The following NINJ2 variants were observed in gnomAD, a reference collection of about 807,000 sequenced individuals.
NINJ2 encodes ninjurin-2.
NINJ2 carries 12 observed loss-of-function variants against 11.7 expected under a neutral mutation model. The observed-to-expected ratio is 1.02, with a 90% CI of 0.66 to 1.66. The LOEUF is 1.66. Among genes scored for constraint, NINJ2 ranks in the 40% most tolerant of loss-of-function variants. The pLI is 0.00. For missense variants in NINJ2, 187 were observed against 181.8 expected (o/e 1.03, Z -0.16); for synonymous variants, 93 against 76.8 (o/e 1.21, Z -1.10).
At chr12:573,966 G>T (rs1947414937) in intron 1 of NINJ2, among the ~76,000 whole-genome samples, 1 of 152,218 alleles carries the variant, frequency 6.6e-6, no homozygotes, top group African/African-American at 2.4e-5. Flanking sequence ...GGGCAAGGTG[G>T]CTCATGCCTG....
chr12:604,143 C>G (rs976028479), intron 1 of NINJ2, among the ~76,000 whole-genome samples: 20 of 152,300 alleles, frequency 1.3e-4, no homozygotes, highest in Middle Eastern at 6.8e-3. Context: ...TGAAATTCCG[C>G]ACAGTTCTAG....
chr12:655,232 C>T (rs918157583), intron 1 of NINJ2, among the ~76,000 whole-genome samples: 6 of 152,176 alleles, frequency 3.9e-5, no homozygotes, highest in Admixed American at 3.9e-4. Flanking sequence ...TTAGCAGTTT[C>T]CCAGTCTTTG....
chr12:619,600 C>T (rs994364995), intron 1 of NINJ2, among the ~76,000 whole-genome samples: 4 of 152,088 alleles, frequency 2.6e-5, no homozygotes, highest in African/African-American at 9.7e-5. Context: ...CCTCCTGGGC[C>T]CTTGCAGGAT....
rs1413997552 is a variant in NINJ2 at position 591,918 on chromosome 12, C to T, written c.34-25740G>A. ...GTCAATTTTGAGCAAACAGAGGCCC[C>T]CAGGCGTTTTTCCCGGGTCACTCCC... On this transcript the variant is annotated intron_variant, in intron 1 of 3. Coordinates refer to ENST00000305108, the MANE Select transcript of NINJ2 (RefSeq NM_016533.6). The surrounding 1 kb of genome is among the most constrained non-coding windows in gnomAD (Gnocchi z 5.0). Among the ~76,000 whole-genome samples the T allele has an allele frequency of 6.6e-6, 1 of 152,112 alleles. No individual in the cohort carries two copies. The highest frequency in any genetic ancestry group is 1.5e-5 in the Non-Finnish European group (1 of 68,040).
At chr12:565,441 G>A (rs371126155) in intron 2 of NINJ2, 40 bp from the exon 3 acceptor site, 47 of 1,600,754 alleles carry the variant, frequency 2.9e-5, no homozygotes, top group Non-Finnish European at 3.5e-5. Flanking sequence ...TCAGAGACGG[G>A]GCCACAGCAC....
chr12:656,937 G>A (rs928040301), intron 1 of NINJ2, among the ~76,000 whole-genome samples: 1 of 152,024 alleles, frequency 6.6e-6, no homozygotes, highest in East Asian at 1.9e-4. Flanking sequence ...CAGAATAACC[G>A]GGCATCCACG....
chr12:583,159 G>GCGCAGGCAGGCAGGCA (rs1947581523), intron 1 of NINJ2, among the ~76,000 whole-genome samples: 1 of 36,832 alleles, frequency 2.7e-5, no homozygotes, highest in Non-Finnish European at 6.5e-5. Flanking sequence ...GAATGAATGG[G>GCGCAGGCAGGCAGGCA]TGCAGGCAGG....
chr12:608,759 G>A (rs1425079528), intron 1 of NINJ2, among the ~76,000 whole-genome samples: 1 of 152,286 alleles, frequency 6.6e-6, no homozygotes, highest in Admixed American at 6.5e-5. Context: ...AGGTGTCAGA[G>A]GAAAAGATCT....
chr12:609,300 A>T (rs1029530865), intron 1 of NINJ2, among the ~76,000 whole-genome samples: 17 of 143,914 alleles, frequency 1.2e-4, no homozygotes, highest in Non-Finnish European at 2.5e-4. Context: ...ACGCACACGC[A>T]CGGCGCCACG....
intron 1 of NINJ2, among the ~76,000 whole-genome samples, chr12:652,812 G>C (rs1252513279): frequency 6.6e-6 from 1 of 151,342 alleles, no homozygotes; most frequent in East Asian, 2.0e-4. Flanking sequence ...GCTGGGCGTG[G>C]TGGCAGGCGC....
At chr12:594,762 A>T (rs1045223997) in intron 1 of NINJ2, among the ~76,000 whole-genome samples, 1 of 152,228 alleles carries the variant, frequency 6.6e-6, no homozygotes, top group African/African-American at 2.4e-5. Flanking sequence ...TCCTAACTTG[A>T]TCTATAGATT....
intron 1 of NINJ2, among the ~76,000 whole-genome samples, chr12:649,419 A>G (rs1048512364): frequency 1.3e-5 from 2 of 152,064 alleles, no homozygotes; most frequent in African/African-American, 4.8e-5. Context: ...AAAACTATTA[A>G]AAAGTGGAAC....
intron 1 of NINJ2, among the ~76,000 whole-genome samples, chr12:569,873 A>C (rs1947353181): frequency 6.6e-6 from 1 of 152,124 alleles, no homozygotes; most frequent in Middle Eastern, 3.2e-3. Context: ...CCTGCCTTTC[A>C]CTGCGGGTGC....
intron 1 of NINJ2, among the ~76,000 whole-genome samples, chr12:616,865 G>A (rs1194747722): frequency 6.6e-6 from 1 of 152,152 alleles, no homozygotes; most frequent in African/African-American, 2.4e-5. Context: ...AGCTTACCTT[G>A]GCATCTCAGG....
At chr12:641,273 A>G (rs1184683111) in intron 1 of NINJ2, among the ~76,000 whole-genome samples, 2 of 152,090 alleles carry the variant, frequency 1.3e-5, no homozygotes, top group Non-Finnish European at 2.9e-5. Context: ...AAGTGGCTGC[A>G]CTGAGTTGCC....
chr12:632,407 T>A (rs537815609), intron 1 of NINJ2: 1 of 152,372 alleles, frequency 6.6e-6, no homozygotes, highest in South Asian at 2.1e-4. Flanking sequence ...GCAGCTAGCC[T>A]CTGACCACAG....
intron 1 of NINJ2, among the ~76,000 whole-genome samples, chr12:582,114 T>C (rs1947563723): frequency 6.6e-6 from 1 of 152,196 alleles, no homozygotes; most frequent in Non-Finnish European, 1.5e-5. Flanking sequence ...AGAGGCAAGA[T>C]TTGAACCCGG....
At chr12:627,338 G>A (rs1438628926) in intron 1 of NINJ2, among the ~76,000 whole-genome samples, 1 of 152,098 alleles carries the variant, frequency 6.6e-6, no homozygotes, top group Non-Finnish European at 1.5e-5. Context: ...TCCCTGCCTT[G>A]CAATCAAACA....
At chr12:622,282 T>C (rs1035727156) in intron 1 of NINJ2, among the ~76,000 whole-genome samples, 1 of 150,012 alleles carries the variant, frequency 6.7e-6, no homozygotes, top group African/African-American at 2.5e-5. Context: ...CGGTGGTGGG[T>C]GCCTGTAGTC....
Sources: gnomAD v4.1 joint callset for allele counts (sites outside exome capture counted in the v4.1 genomes callset) on GRCh38, gnomAD v4.1.1 for gene constraint, Gnocchi (gnomAD v3.1) non-coding constraint, MANE v1.5 for transcripts, NCBI Gene and HGNC (gene_info 2026-07-23, HGNC 2026-07-21) for gene names.